ANK3: variants seen among roughly 807,000 people sequenced by gnomAD.
The protein encoded by ANK3 is ankyrin 3.
Under a neutral mutation model 370.9 loss-of-function variants are expected in ANK3, and 57 were observed. That is an observed-to-expected ratio of 0.15 (90% CI 0.12 to 0.19). ANK3 has a LOEUF of 0.19. Among genes scored for constraint, ANK3 ranks in the 10% least tolerant of loss-of-function variants. The probability of loss-of-function intolerance (pLI) is 1.00; values close to 1 mark genes in which losing one functional copy is unlikely to be tolerated. For synonymous variants in ANK3, 1,929 were observed against 1,946.3 expected, an observed-to-expected ratio of 0.99 and a Z score of 0.23; for missense variants, 4,439 against 5,302.1, an observed-to-expected ratio of 0.84 and a Z score of 5.06.
intron 2 of ANK3, among the ~76,000 whole-genome samples, chr10:60,420,187 T>G (rs2063749055): frequency 6.6e-6 from 1 of 151,982 alleles, no homozygotes; most frequent in African/African-American, 2.4e-5. Flanking sequence ...CTAACATGGG[T>G]TGATTACTTT....
intron 7 of ANK3, among the ~76,000 whole-genome samples, chr10:60,238,861 C>G (rs1334696479): frequency 6.6e-6 from 1 of 151,950 alleles, no homozygotes; most frequent in Non-Finnish European, 1.5e-5. Flanking sequence ...TTAACTCAAT[C>G]TCTCCCCTCC....
intron 2 of ANK3, among the ~76,000 whole-genome samples, chr10:60,505,641 A>G (rs1410166737): frequency 1.3e-5 from 2 of 152,032 alleles, no homozygotes; most frequent in Non-Finnish European, 2.9e-5. Context: ...ATGCTACAAA[A>G]TCCTTTTGGC....
At chr10:60,248,935 G>A (rs571154112) in intron 7 of ANK3, among the ~76,000 whole-genome samples, 2 of 152,268 alleles carry the variant, frequency 1.3e-5, no homozygotes, top group Admixed American at 6.5e-5. Context: ...AAATGTTGCC[G>A]AGAAACAATT....
intron 18 of ANK3, among the ~76,000 whole-genome samples, chr10:60,180,335 C>A (rs1009832701): frequency 1.4e-5 from 2 of 143,616 alleles, no homozygotes; most frequent in Non-Finnish European, 3.1e-5. Context: ...CGGGGGCTCA[C>A]GCCTGTAATC....
intron 2 of ANK3, among the ~76,000 whole-genome samples, chr10:60,548,190 C>A (rs1407630492): frequency 1.4e-5 from 2 of 147,864 alleles, no homozygotes; most frequent in African/African-American, 5.0e-5. Flanking sequence ...ATTTCAAACC[C>A]ATTTTTAAAT....
At chr10:60,320,333 C>T (rs562035046) in intron 1 of ANK3, among the ~76,000 whole-genome samples, 4 of 152,168 alleles carry the variant, frequency 2.6e-5, no homozygotes, top group Admixed American at 2.0e-4. Flanking sequence ...GTGGCTCATG[C>T]CTCTAATCCC....
At chr10:60,256,650 G>A (rs1166421647) in intron 7 of ANK3, among the ~76,000 whole-genome samples, 1 of 152,150 alleles carries the variant, frequency 6.6e-6, no homozygotes, top group Non-Finnish European at 1.5e-5. Context: ...AGTCCCCAGT[G>A]TCTATTGTTG....
intron 25 of ANK3, among the ~76,000 whole-genome samples, chr10:60,116,254 A>T (rs957771092): frequency 4.6e-5 from 7 of 152,130 alleles, no homozygotes; most frequent in Non-Finnish European, 1.0e-4. Flanking sequence ...ACAGCTGGGG[A>T]CAGAGTTCTA....
intron 7 of ANK3, among the ~76,000 whole-genome samples, chr10:60,236,768 C>T (rs1470455430): frequency 2.0e-5 from 3 of 152,252 alleles, no homozygotes; most frequent in African/African-American, 2.4e-5. Context: ...CTTAGTAATG[C>T]TGGTGGAAAG....
chr10:60,563,437 G>C (rs945674995), intron 2 of ANK3, among the ~76,000 whole-genome samples: 1 of 152,168 alleles, frequency 6.6e-6, no homozygotes, highest in Non-Finnish European at 1.5e-5. Flanking sequence ...AGCCAGCCAA[G>C]CTTTGGAATT....
intron 24 of ANK3, among the ~76,000 whole-genome samples, chr10:60,138,077 G>A (rs1163459129): frequency 6.6e-6 from 1 of 151,934 alleles, no homozygotes; most frequent in South Asian, 2.1e-4. Flanking sequence ...AAGACTAGAA[G>A]AAAAATCAAT....
intron 1 of ANK3, among the ~76,000 whole-genome samples, chr10:60,348,315 T>C (rs1180086677): frequency 1.1e-4 from 15 of 141,312 alleles, no homozygotes; most frequent in Admixed American, 8.8e-4. Flanking sequence ...CTATGTCTTA[T>C]CTGTCATATG....
intron 2 of ANK3, among the ~76,000 whole-genome samples, chr10:60,426,102 T>A (rs533359344): frequency 1.3e-5 from 2 of 152,106 alleles, no homozygotes; most frequent in South Asian, 2.1e-4. Context: ...TGTTTACCAG[T>A]TTTTAACTAC....
At chr10:60,375,533 T>G (rs2060664138) in intron 1 of ANK3, among the ~76,000 whole-genome samples, 1 of 152,026 alleles carries the variant, frequency 6.6e-6, no homozygotes, top group Non-Finnish European at 1.5e-5. Context: ...TATCACAATT[T>G]AGAAAATCTC....
At chr10:60,051,671 T>C in intron 42 of ANK3, 1 of 480,510 alleles carries the variant, frequency 2.1e-6, no homozygotes, top group African/African-American at 2.1e-5. Context: ...CTTCTTTTTT[T>C]TTTTTTTTTT....
intron 2 of ANK3, among the ~76,000 whole-genome samples, chr10:60,530,090 C>T (rs915939235): frequency 6.6e-6 from 1 of 152,132 alleles, no homozygotes; most frequent in Non-Finnish European, 1.5e-5. Flanking sequence ...TTTGCCAGAA[C>T]CCTGCCTCCT....
At chr10:60,581,183 A>G (rs189913868) in intron 2 of ANK3, among the ~76,000 whole-genome samples, 33 of 152,316 alleles carry the variant, frequency 2.2e-4, no homozygotes, top group Admixed American at 7.8e-4. Context: ...ACATTGTCCT[A>G]CACTAAAAGT....
chr10:60,646,345 A>G (rs906595260), intron 1 of ANK3, among the ~76,000 whole-genome samples: 1 of 152,160 alleles, frequency 6.6e-6, no homozygotes, highest in Non-Finnish European at 1.5e-5. Context: ...ATCACTTTGG[A>G]AAAGCTCTTT....
chr10:60,684,998 A>C lies in ANK3; in HGVS notation c.57+48265T>G, dbSNP rs2079248919. On this transcript the variant is annotated intron_variant, in intron 1 of 43. Transcript: ENST00000373827. Reference sequence around the variant, plus strand: ...AGCTCATCAACTCCTTGGCATTTGCAGCCTACCTGCGCAATCATAGGAGAT... The same window carrying C: ...AGCTCATCAACTCCTTGGCATTTGCCGCCTACCTGCGCAATCATAGGAGAT... The C allele has an allele frequency of 1.9e-6, 3 of 1,553,258 alleles. No individual in the cohort carries two copies. The African/African-American group carries it at 4.1e-5, about 21-fold the overall frequency.
Sources: gnomAD v4.1 joint callset for allele counts (sites outside exome capture counted in the v4.1 genomes callset) on GRCh38, gnomAD v4.1.1 for gene constraint, MANE v1.5 for transcripts, NCBI Gene and HGNC (gene_info 2026-07-23, HGNC 2026-07-21) for gene names.